Variants in AUTS2 observed in about 807,000 individuals in gnomAD.
AUTS2 encodes the protein autism susceptibility gene 2 protein.
AUTS2 carries 17 observed loss-of-function variants against 112.4 expected under a neutral mutation model. The observed-to-expected ratio is 0.15, with a 90% confidence interval of 0.10 to 0.23. The LOEUF (loss-of-function observed/expected upper bound fraction) is 0.23, where lower values mean the gene tolerates loss of function less well. AUTS2 is among the 10% of genes least tolerant of loss of function. AUTS2 has a pLI of 1.00. For synonymous variants in AUTS2, 751 were observed against 702.7 expected (o/e 1.07, Z -1.09); for missense variants, 1,510 against 1,701.6 (o/e 0.89, Z 1.98).
chr7:70,118,894 CCACCAACAGGG>C (rs951950976), intron 3 of AUTS2: 28 of 152,208 alleles, frequency 1.8e-4, no homozygotes, highest in African/African-American at 5.8e-4. Flanking sequence ...TCTAGTCTGC[CCACCAACAGGG>C]CAGGTTCCCC....
intron 1 of AUTS2, among the ~76,000 whole-genome samples, chr7:69,617,736 C>T (rs2129087140): frequency 6.6e-6 from 1 of 152,280 alleles, no homozygotes; most frequent in Middle Eastern, 3.4e-3. Context: ...CTCATTGTAC[C>T]TTGTGCCACC....
intron 16 of AUTS2, chr7:70,785,337 A>G (rs1791377486): frequency 7.0e-6 from 4 of 572,318 alleles, no homozygotes; most frequent in South Asian, 6.1e-5. Context: ...GTTCCTGCCC[A>G]TTGGAAGAAG....
intron 4 of AUTS2, among the ~76,000 whole-genome samples, chr7:70,287,369 G>C (rs932228360): frequency 6.6e-6 from 1 of 152,178 alleles, no homozygotes; most frequent in Admixed American, 6.5e-5. Context: ...TTTATTTGTA[G>C]TGTACTTCTA....
chr7:70,754,194 A>G (rs2129555745), intron 6 of AUTS2, among the ~76,000 whole-genome samples: 1 of 151,322 alleles, frequency 6.6e-6, no homozygotes, highest in South Asian at 2.1e-4. Context: ...ATAAAATAAA[A>G]TAATAATGAA....
chr7:69,632,443 A>G (rs994806944), intron 1 of AUTS2, among the ~76,000 whole-genome samples: 2 of 152,202 alleles, frequency 1.3e-5, no homozygotes, highest in Non-Finnish European at 2.9e-5. Context: ...TTAGAAAGGT[A>G]GGAACGTAAA....
intron 4 of AUTS2, among the ~76,000 whole-genome samples, chr7:70,321,391 T>G (rs559382566): frequency 1.3e-5 from 2 of 152,326 alleles, no homozygotes; most frequent in Non-Finnish European, 2.9e-5. Context: ...TTTCTCTGTT[T>G]TGCAGAATCT....
chr7:70,578,013 G>A (rs1049597661), intron 5 of AUTS2, among the ~76,000 whole-genome samples: 12 of 152,102 alleles, frequency 7.9e-5, no homozygotes, highest in African/African-American at 2.4e-4. Context: ...TGTATTTTTA[G>A]TAGAGACGGG....
At chr7:70,066,524 A>G (rs1802500565) in intron 2 of AUTS2, among the ~76,000 whole-genome samples, 1 of 150,804 alleles carries the variant, frequency 6.6e-6, no homozygotes, top group East Asian at 1.9e-4. Context: ...AACTTTACAG[A>G]TCTATACCCA....
At chr7:69,820,254 C>T (rs1017582524) in intron 1 of AUTS2, among the ~76,000 whole-genome samples, 1 of 152,176 alleles carries the variant, frequency 6.6e-6, no homozygotes, top group African/African-American at 2.4e-5. Context: ...TTACTCTCTG[C>T]CCAGCTTTGT....
intron 5 of AUTS2, among the ~76,000 whole-genome samples, chr7:70,585,077 A>G (rs527892942): frequency 4.6e-5 from 7 of 152,278 alleles, no homozygotes; most frequent in Non-Finnish European, 1.0e-4. Context: ...TTCAAATCTG[A>G]GGGGTGTGTT....
chr7:69,684,259 C>T (rs1796955986), intron 1 of AUTS2, among the ~76,000 whole-genome samples: 1 of 152,058 alleles, frequency 6.6e-6, no homozygotes, highest in Non-Finnish European at 1.5e-5. Context: ...GGTAGACTGC[C>T]CCTTCCTGAG....
chr7:70,784,742 TAAAAAAAAAAAAAAA>T (rs71077682), intron 15 of AUTS2, 185 bp from the exon 16 acceptor site: 32 of 281,006 alleles, frequency 1.1e-4, no homozygotes, highest in Non-Finnish European at 1.4e-4. Context: ...TTCTGCTTCC[TAAAAAAAAAAAAAAA>T]AAAAAAAAAA....
intron 2 of AUTS2, among the ~76,000 whole-genome samples, chr7:70,027,685 G>C (rs924391950): frequency 2.6e-5 from 4 of 152,116 alleles, no homozygotes; most frequent in Non-Finnish European, 5.9e-5. Flanking sequence ...CATTTCTATT[G>C]ACCTCAGAGA....
At chr7:70,547,722 A>T (rs1057405062) in intron 5 of AUTS2, among the ~76,000 whole-genome samples, 8 of 152,066 alleles carry the variant, frequency 5.3e-5, no homozygotes, top group African/African-American at 7.2e-5. Context: ...GGACATTTGG[A>T]TTATTTCTAC....
intron 1 of AUTS2, among the ~76,000 whole-genome samples, chr7:69,825,490 C>A (rs902491442): frequency 1.3e-5 from 2 of 151,984 alleles, no homozygotes; most frequent in African/African-American, 4.8e-5. Context: ...TCAGCAGTAA[C>A]CTTGTTGTCT....
intron 2 of AUTS2, among the ~76,000 whole-genome samples, chr7:70,055,521 T>C (rs1024352882): frequency 7.2e-5 from 11 of 152,356 alleles, no homozygotes; most frequent in African/African-American, 2.2e-4. Context: ...TGCTTTGTGA[T>C]ACTGTTACAC....
At position 70,754,284 on chromosome 7, in the gene AUTS2, C is replaced by A. The variant is rs140518071; in HGVS notation, c.743-8586C>A. On this transcript the variant is annotated intron_variant, in intron 6 of 18. Transcript: ENST00000342771. The stretch of plus-strand genomic sequence containing the variant: ...GGCGGGAGGATTGCTTGAGCCTACA[C>A]GTTAAAGACCAGCCTGTGCAACATG... 2.5e-3 allele frequency among the ~76,000 whole-genome samples: 381 copies of A among 152,256 alleles called. 5 individuals carry two copies. The highest frequency in any genetic ancestry group is 7.6e-3 in the African/African-American group (315 of 41,548).
At chr7:70,187,072 T>G (rs1349828399) in intron 4 of AUTS2, among the ~76,000 whole-genome samples, 2 of 152,214 alleles carry the variant, frequency 1.3e-5, no homozygotes, top group Non-Finnish European at 2.9e-5. Flanking sequence ...GCACTGCCTT[T>G]GCAAATCTAA....
chr7:70,188,827 C>G (rs1304135129), intron 4 of AUTS2, among the ~76,000 whole-genome samples: 3 of 150,788 alleles, frequency 2.0e-5, no homozygotes, highest in Non-Finnish European at 4.4e-5. Context: ...GTCGCCCAGG[C>G]TGGAGTGCAG....
Sources: allele counts gnomAD v4.1 joint callset (sites outside exome capture counted in the v4.1 genomes callset), GRCh38; gene constraint gnomAD v4.1.1; transcripts MANE v1.5; gene names NCBI Gene and HGNC (gene_info 2026-07-23, HGNC 2026-07-21).